Variants in GLT8D2 observed in about 807,000 individuals in gnomAD.
The protein encoded by GLT8D2 is glycosyltransferase 8 domain containing 2, also known as glycosyltransferase 8 domain-containing protein 2.
Under a neutral mutation model 44.5 loss-of-function variants are expected in GLT8D2, and 45 were observed. The observed-to-expected ratio is 1.01, with a 90% CI of 0.80 to 1.30. GLT8D2 has a LOEUF of 1.30. Ranked by LOEUF, GLT8D2 falls within the 50% of genes most tolerant of loss-of-function variation. GLT8D2 has a pLI of 0.00. For missense variants in GLT8D2, 400 were observed against 430.4 expected (o/e 0.93, Z 0.62); for synonymous variants, 156 against 157.2 (o/e 0.99, Z 0.06).
In GLT8D2 at chr12:103,994,371, G is replaced by A. The variant is rs1873143592; in HGVS notation, c.731C>T (p.Thr244Ile). 2 of 1,613,692 alleles carry A rather than the reference G, an allele frequency of 1.2e-6. No individual in the cohort carries two copies. The highest frequency in any genetic ancestry group is 1.3e-5 in the African/African-American group (1 of 75,020). ...NMTEWKHQRI[T>I]KQLEKWMQKN... ...TTGCATCCATTTCTCCAATTGCTTG[G>A]TGATGCGCTGGTGCTTCCATTCTGT... Residue 244 changes from threonine to isoleucine, a missense_variant, in exon 9 of 11, where the codon ACC becomes ATC. Coordinates refer to ENST00000360814, the MANE Select transcript of GLT8D2 (RefSeq NM_001384711.1).
intron 1 of GLT8D2, among the ~76,000 whole-genome samples, chr12:104,063,184 AGG>A (rs1882832538): frequency 6.6e-6 from 1 of 152,178 alleles, no homozygotes; most frequent in Non-Finnish European, 1.5e-5. Flanking sequence ...CAGCTGAAAC[AGG>A]CAGTCACAAG....
chr12:104,004,227 T>C (rs1005059090), intron 4 of GLT8D2, among the ~76,000 whole-genome samples: 3 of 152,170 alleles, frequency 2.0e-5, no homozygotes, highest in Admixed American at 1.3e-4. Flanking sequence ...ATGGGACGTA[T>C]CTCAAAATAA....
At chr12:103,998,313 C>T (rs1873750556) in intron 6 of GLT8D2, among the ~76,000 whole-genome samples, 2 of 151,756 alleles carry the variant, frequency 1.3e-5, no homozygotes, top group South Asian at 4.2e-4. Flanking sequence ...CAGCTCACTA[C>T]AGCCTCGAAC....
intron 5 of GLT8D2, among the ~76,000 whole-genome samples, chr12:104,002,777 C>T (rs999527849): frequency 2.0e-5 from 3 of 151,976 alleles, no homozygotes; most frequent in African/African-American, 7.3e-5. Flanking sequence ...GACTCGCTCT[C>T]CACAAAAAAA....
At chr12:104,017,583 A>G (rs1186527081) in intron 3 of GLT8D2, among the ~76,000 whole-genome samples, 1 of 152,218 alleles carries the variant, frequency 6.6e-6, no homozygotes, top group Non-Finnish European at 1.5e-5. Flanking sequence ...TTGGTCTCCC[A>G]AAGTGCTGGA....
chr12:104,030,863 G>T (rs111330909), intron 1 of GLT8D2: 3 of 1,574,618 alleles, frequency 1.9e-6, no homozygotes, highest in African/African-American at 2.7e-5. Flanking sequence ...GTACGACGCC[G>T]ACCTGAGCCC....
At chr12:104,037,641 A>G (rs1047076107) in intron 1 of GLT8D2, among the ~76,000 whole-genome samples, 2 of 152,220 alleles carry the variant, frequency 1.3e-5, no homozygotes, top group Admixed American at 6.5e-5. Context: ...TCTGAAATTG[A>G]GGCAATAATT....
intron 4 of GLT8D2, chr12:104,014,381 T>C: frequency 3.1e-6 from 2 of 652,522 alleles, no homozygotes; most frequent in Non-Finnish European, 2.8e-6. Context: ...TAATTAAAAA[T>C]GTAATAAACA....
chr12:104,015,804 C>T (rs1010115318), intron 3 of GLT8D2, among the ~76,000 whole-genome samples: 2 of 151,914 alleles, frequency 1.3e-5, no homozygotes, highest in Non-Finnish European at 2.9e-5. Flanking sequence ...GAGTTCAAGG[C>T]CAGCCTGGGC....
At chr12:104,054,840 T>C (rs1920412), upstream of GLT8D2, among the ~76,000 whole-genome samples, 41,180 of 152,020 alleles carry the variant, frequency 0.27, 7,859 homozygotes, top group African/African-American at 0.52. Flanking sequence ...ATAAGAGGCC[T>C]GCACTGTGCT....
rs375114823 is a variant in GLT8D2 at position 104,035,669 on chromosome 12, T to C, written c.-163-14178A>G. Among the ~76,000 whole-genome samples the C allele has an allele frequency of 3.3e-4, 50 of 152,066 alleles. No individual in the cohort carries two copies. In the East Asian group the frequency reaches 5.6e-3, roughly 17 times the overall value. Reference sequence around the variant, plus strand: ...AACCTACAAGAAATATGGGACTATGTGAAAAGACCAAATCTACATTTGATT... The same window carrying C: ...AACCTACAAGAAATATGGGACTATGCGAAAAGACCAAATCTACATTTGATT... On this transcript the variant is annotated intron_variant, in intron 1 of 10. Coordinates refer to ENST00000360814, the MANE Select transcript of GLT8D2 (RefSeq NM_001384711.1).
intron 6 of GLT8D2, among the ~76,000 whole-genome samples, chr12:103,999,126 C>T (rs1401848028): frequency 6.6e-6 from 1 of 152,198 alleles, no homozygotes; most frequent in Non-Finnish European, 1.5e-5. Flanking sequence ...CCAGCTCCCA[C>T]CCCCACAGAC....
At chr12:104,008,364 G>A (rs1487763893) in intron 4 of GLT8D2, among the ~76,000 whole-genome samples, 1 of 152,166 alleles carries the variant, frequency 6.6e-6, no homozygotes, top group Non-Finnish European at 1.5e-5. Flanking sequence ...AAGACCAGGG[G>A]CATTTTGCCC....
chr12:103,993,351 G>C, intron 10 of GLT8D2, 41 bp downstream of exon 10: 1 of 1,435,914 alleles, frequency 7.0e-7, no homozygotes, highest in Non-Finnish European at 9.8e-7. Flanking sequence ...AAATAAAATG[G>C]ACATTTGCGT....
chr12:104,004,159 G>A (rs148457934), intron 4 of GLT8D2, among the ~76,000 whole-genome samples: 111 of 152,232 alleles, frequency 7.3e-4, no homozygotes, highest in Middle Eastern at 6.8e-3. Flanking sequence ...AGCAGAAAAG[G>A]CCTTTGACAA....
At chr12:104,004,248 T>G (rs1330462641) in intron 4 of GLT8D2, among the ~76,000 whole-genome samples, 2 of 152,058 alleles carry the variant, frequency 1.3e-5, no homozygotes, top group African/African-American at 4.8e-5. Context: ...TAAGACCTAT[T>G]TATGACAAAC....
intron 1 of GLT8D2, among the ~76,000 whole-genome samples, chr12:104,062,933 A>G (rs1882799500): frequency 6.6e-6 from 1 of 152,168 alleles, no homozygotes; most frequent in South Asian, 2.1e-4. Flanking sequence ...GCCTCCTGTC[A>G]GATCAACCGC....
At chr12:104,044,326 G>GGT (rs1449362866) in intron 1 of GLT8D2, among the ~76,000 whole-genome samples, 2 of 152,132 alleles carry the variant, frequency 1.3e-5, no homozygotes, top group African/African-American at 4.8e-5. Context: ...CGTCATCACC[G>GGT]GTGTACTGGC....
chr12:104,053,728 T>TA (rs1254323017), upstream of GLT8D2, among the ~76,000 whole-genome samples: 1 of 151,776 alleles, frequency 6.6e-6, no homozygotes, highest in Admixed American at 6.6e-5. Flanking sequence ...ACTAAAAATA[T>TA]AAAAAATTAG....
Sources: allele counts gnomAD v4.1 joint callset (sites outside exome capture counted in the v4.1 genomes callset), GRCh38; gene constraint gnomAD v4.1.1; transcripts MANE v1.5; gene names NCBI Gene and HGNC (gene_info 2026-07-23, HGNC 2026-07-21).